Variants in RAB27B observed in about 807,000 individuals in gnomAD.
RAB27B encodes the protein ras-related protein Rab-27B.
A neutral mutation model predicts 24.6 loss-of-function variants in RAB27B; 15 were observed. That is an observed-to-expected ratio of 0.61 (90% CI 0.41 to 0.94). RAB27B has a LOEUF of 0.94. Ranked by LOEUF, RAB27B falls within the 40% of genes least tolerant of loss-of-function variation. RAB27B has a pLI of 0.00. For missense variants in RAB27B, 261 were observed against 266.8 expected (o/e 0.98, Z 0.15); for synonymous variants, 105 against 92.5 (o/e 1.14, Z -0.78).
chr18:54,737,025 C>T (rs141429655), intron 2 of RAB27B, among the ~76,000 whole-genome samples: 26 of 152,188 alleles, frequency 1.7e-4, no homozygotes, highest in African/African-American at 6.0e-4. Context: ...TGCAGATTAT[C>T]TTCATACATC....
intron 2 of RAB27B, among the ~76,000 whole-genome samples, chr18:54,743,693 G>T (rs922095272): frequency 6.6e-6 from 1 of 152,182 alleles, no homozygotes; most frequent in Non-Finnish European, 1.5e-5. Flanking sequence ...AAGAGGGAGA[G>T]AGGAGAGTAA....
intron 2 of RAB27B, among the ~76,000 whole-genome samples, chr18:54,812,786 T>C (rs1212665055): frequency 6.6e-6 from 1 of 152,186 alleles, no homozygotes; most frequent in East Asian, 1.9e-4. Flanking sequence ...AATCGTAGTG[T>C]GAGGAAAACA....
intron 2 of RAB27B, among the ~76,000 whole-genome samples, chr18:54,795,025 G>C (rs1364638134): frequency 6.6e-6 from 1 of 152,082 alleles, no homozygotes; most frequent in Non-Finnish European, 1.5e-5. Context: ...ATAGCAGTCT[G>C]GTCTGTTTCC....
intron 2 of RAB27B, among the ~76,000 whole-genome samples, chr18:54,743,223 A>G (rs534568286): frequency 1.3e-5 from 2 of 152,292 alleles, no homozygotes; most frequent in African/African-American, 4.8e-5. Context: ...GTGTCACTGT[A>G]ATTTTCAGCA....
intron 2 of RAB27B, among the ~76,000 whole-genome samples, chr18:54,767,967 ATAAG>A (rs1380029089): frequency 1.3e-5 from 2 of 152,156 alleles, no homozygotes; most frequent in African/African-American, 4.8e-5. Context: ...ATAGTAATAA[ATAAG>A]AGATAGTCCC....
At chr18:54,791,721 C>T (rs184821014) in intron 2 of RAB27B, among the ~76,000 whole-genome samples, 4 of 152,328 alleles carry the variant, frequency 2.6e-5, no homozygotes, top group African/African-American at 9.6e-5. Flanking sequence ...GAGACCCTAG[C>T]AGGCCGACTC....
At chr18:54,762,730 C>T (rs2145053562) in intron 2 of RAB27B, among the ~76,000 whole-genome samples, 1 of 152,262 alleles carries the variant, frequency 6.6e-6, no homozygotes. Context: ...TCCTCCTCCC[C>T]AACACACCGG....
At chr18:54,874,072 C>A (rs929023970) in intron 1 of RAB27B, among the ~76,000 whole-genome samples, 14 of 152,142 alleles carry the variant, frequency 9.2e-5, no homozygotes, top group Non-Finnish European at 2.1e-4. Context: ...TTGCCCCAGG[C>A]AGGTTTATGT....
chr18:54,787,728 T>TA (rs1263474028), intron 2 of RAB27B, among the ~76,000 whole-genome samples: 4,648 of 140,644 alleles, frequency 0.033, 72 homozygotes, highest in African/African-American at 0.043. Context: ...CTGACTGGAT[T>TA]AAAAAAAAAA....
chr18:54,762,535 T>A (rs1598885848), intron 2 of RAB27B, among the ~76,000 whole-genome samples: 1 of 152,312 alleles, frequency 6.6e-6, no homozygotes, highest in South Asian at 2.1e-4. Flanking sequence ...ATTGTGCACT[T>A]TGCAATAAGT....
At chr18:54,748,991 G>A (rs1317467264) in intron 2 of RAB27B, among the ~76,000 whole-genome samples, 1 of 151,970 alleles carries the variant, frequency 6.6e-6, no homozygotes, top group Non-Finnish European at 1.5e-5. Flanking sequence ...GTGAGGGGCA[G>A]AACACGGGTT....
chr18:54,860,340 C>T (rs1017103981), intron 1 of RAB27B, among the ~76,000 whole-genome samples: 1 of 152,148 alleles, frequency 6.6e-6, no homozygotes, highest in East Asian at 1.9e-4. Flanking sequence ...TCCTTTGGAT[C>T]CCACCTCATC....
rs1281062829 is a variant in RAB27B at position 54,762,869 on chromosome 18, T to TTTTTACTC, written c.-20+44733_-20+44740dup. Among the ~76,000 whole-genome samples the TTTTTACTC allele has an allele frequency of 2.6e-5, 4 of 152,166 alleles. No homozygotes were observed. The East Asian group carries it at 7.7e-4, about 29-fold the overall frequency. Reference sequence around the variant, plus strand: ...AGTTTGCAGGCTCTGTGGCCAGGGATTTTTACTCTTTTGCTTGCTCCTATA... The same window carrying TTTTTACTC: ...AGTTTGCAGGCTCTGTGGCCAGGGATTTTTACTCTTTTACTCTTTTGCTTGCTCCTATA... On this transcript the variant is annotated intron_variant, in intron 2 of 4. Coordinates refer to the RAB27B transcript ENST00000586570.
intron 2 of RAB27B, among the ~76,000 whole-genome samples, chr18:54,788,591 C>A (rs747899729): frequency 3.3e-5 from 5 of 152,232 alleles, no homozygotes; most frequent in Non-Finnish European, 5.9e-5. Context: ...GCATGAGCCA[C>A]TGCACCTGGG....
intron 4 of RAB27B, among the ~76,000 whole-genome samples, chr18:54,885,069 T>A (rs1038982516): frequency 1.3e-5 from 2 of 152,210 alleles, no homozygotes; most frequent in African/African-American, 4.8e-5. Context: ...CCTAATCAAT[T>A]ACTAAAGTCA....
intron 1 of RAB27B, among the ~76,000 whole-genome samples, chr18:54,833,895 A>T (rs570935402): frequency 1.3e-5 from 2 of 152,298 alleles, no homozygotes; most frequent in African/African-American, 4.8e-5. Context: ...GTGAGTCTGG[A>T]GGCACCAATG....
intron 1 of RAB27B, among the ~76,000 whole-genome samples, chr18:54,846,072 AGTG>A (rs1293208754): frequency 6.6e-6 from 1 of 151,818 alleles, no homozygotes; most frequent in Non-Finnish European, 1.5e-5. Flanking sequence ...TGTCCTTTCG[AGTG>A]GTGGTTTCTC....
chr18:54,882,640 G>A (rs1389142368), intron 3 of RAB27B, among the ~76,000 whole-genome samples: 1 of 152,178 alleles, frequency 6.6e-6, no homozygotes, highest in Non-Finnish European at 1.5e-5. Flanking sequence ...AGAAAAGGAA[G>A]CACTAAGACT....
At chr18:54,821,102 G>C (rs1206139517) in intron 2 of RAB27B, among the ~76,000 whole-genome samples, 1 of 152,130 alleles carries the variant, frequency 6.6e-6, no homozygotes, top group Non-Finnish European at 1.5e-5. Context: ...AATTGTCCCT[G>C]TTTGCAGACG....
Sources: gnomAD v4.1 joint callset for allele counts (sites outside exome capture counted in the v4.1 genomes callset) on GRCh38, gnomAD v4.1.1 for gene constraint, MANE v1.5 for transcripts, NCBI Gene and HGNC (gene_info 2026-07-23, HGNC 2026-07-21) for gene names.